Variants in RIN3 observed in about 807,000 individuals in gnomAD.
The protein encoded by RIN3 is Ras and Rab interactor 3.
Under a neutral mutation model 76.3 loss-of-function variants are expected in RIN3, and 54 were observed. The observed-to-expected ratio is 0.71, with a 90% CI of 0.57 to 0.89. The LOEUF is 0.89. Ranked by LOEUF, RIN3 falls within the 40% of genes least tolerant of loss-of-function variation. The pLI is 0.00. For synonymous variants in RIN3, 576 were observed against 564.0 expected (o/e 1.02, Z -0.30); for missense variants, 1,256 against 1,322.1 (o/e 0.95, Z 0.78).
chr14:92,600,424 C>T (rs551095668), intron 3 of RIN3, among the ~76,000 whole-genome samples: 2 of 152,278 alleles, frequency 1.3e-5, no homozygotes, highest in Non-Finnish European at 2.9e-5. Context: ...GCACCCTGAC[C>T]CCAGCAGGCT....
At chr14:92,599,960 G>T (rs996889945) in intron 3 of RIN3, among the ~76,000 whole-genome samples, 1 of 152,080 alleles carries the variant, frequency 6.6e-6, no homozygotes, top group Non-Finnish European at 1.5e-5. Context: ...AGGAACATCC[G>T]CATGCCAACT....
At chr14:92,550,420 T>C (rs140096616) in intron 1 of RIN3, among the ~76,000 whole-genome samples, 5 of 152,306 alleles carry the variant, frequency 3.3e-5, no homozygotes, top group South Asian at 4.1e-4. Flanking sequence ...TATTTATTTA[T>C]TCATTCATTT....
chr14:92,580,538 A>G (rs868019701), intron 3 of RIN3, among the ~76,000 whole-genome samples: 2 of 152,244 alleles, frequency 1.3e-5, no homozygotes, highest in African/African-American at 2.4e-5. Flanking sequence ...GAGGTGTGCT[A>G]TGAGGAATGT....
intron 7 of RIN3, among the ~76,000 whole-genome samples, chr14:92,674,472 A>G (rs61644152): frequency 0.12 from 18,190 of 152,114 alleles, 1,183 homozygotes; most frequent in East Asian, 0.24. Flanking sequence ...GTGTGGTGGT[A>G]TGTGCCTGTA....
At chr14:92,683,456 G>A (rs1018805698) in intron 8 of RIN3, among the ~76,000 whole-genome samples, 4 of 152,196 alleles carry the variant, frequency 2.6e-5, no homozygotes, top group African/African-American at 9.7e-5. Flanking sequence ...AACAAGCTCA[G>A]GAGAATGAAT....
intron 2 of RIN3, among the ~76,000 whole-genome samples, chr14:92,572,157 T>C (rs761436013): frequency 6.6e-6 from 1 of 152,252 alleles, no homozygotes; most frequent in Non-Finnish European, 1.5e-5. Context: ...CAGGGTCTTG[T>C]GTCCGTCCCT....
chr14:92,623,718 C>T lies in RIN3; in HGVS notation c.440+8239C>T, dbSNP rs929682148. Among the ~76,000 whole-genome samples the T allele has an allele frequency of 6.6e-6, 1 of 152,220 alleles. No individual in the cohort carries two copies. The highest frequency in any genetic ancestry group is 2.4e-5 in the African/African-American group (1 of 41,450). The stretch of plus-strand genomic sequence containing the variant: ...GGCAGAGTGTCTAGCAGGTGACCAC[C>T]ACAATACCACCATACATCAGCTCGG... On this transcript the variant is annotated intron_variant, in intron 4 of 9. Transcript: ENST00000216487. The surrounding 1 kb of genome is among the most constrained non-coding windows in gnomAD (Gnocchi z 4.9).
intron 6 of RIN3, among the ~76,000 whole-genome samples, chr14:92,658,036 T>A (rs1236987057): frequency 6.6e-6 from 1 of 152,162 alleles, no homozygotes; most frequent in Non-Finnish European, 1.5e-5. Context: ...CCAAAACAAC[T>A]TCCTAAGAAT....
Position 92,685,167 on chromosome 14 carries a change from G to A in RIN3, c.2631+17G>A, listed in dbSNP as rs1458928345. ...TCCGTACAGGTGAGGCCTGAGAGCGGGAGGGGCCCGGTGGGGCCATGTCCC... is the reference window on the plus strand; with the variant it reads ...TCCGTACAGGTGAGGCCTGAGAGCGAGAGGGGCCCGGTGGGGCCATGTCCC... On this transcript the variant is annotated intron_variant, in intron 9 of 9. Coordinates refer to ENST00000216487, the MANE Select transcript of RIN3 (RefSeq NM_024832.5). The surrounding 1 kb of genome is among the most constrained non-coding windows in gnomAD (Gnocchi z 4.7). The A allele has an allele frequency of 3.2e-6, 5 of 1,582,196 alleles. No homozygotes were observed. The African/African-American group carries it at 6.7e-5, about 21-fold the overall frequency.
intron 2 of RIN3, among the ~76,000 whole-genome samples, chr14:92,562,791 C>T (rs769934291): frequency 4.6e-5 from 7 of 152,100 alleles, no homozygotes; most frequent in South Asian, 2.1e-4. Flanking sequence ...TCCAAGAAGC[C>T]GTCGTTCCTT....
chr14:92,597,949 G>A (rs1383961062), intron 3 of RIN3, among the ~76,000 whole-genome samples: 1 of 152,136 alleles, frequency 6.6e-6, no homozygotes, highest in Non-Finnish European at 1.5e-5. Flanking sequence ...TCATCCCTGG[G>A]ATATAAACAG....
chr14:92,525,784 C>T (rs1009238196), intron 1 of RIN3, among the ~76,000 whole-genome samples: 2 of 152,174 alleles, frequency 1.3e-5, no homozygotes. Context: ...ACTGCACCAG[C>T]CAGAATGTGA....
At chr14:92,611,104 C>T (rs892635516) in intron 3 of RIN3, among the ~76,000 whole-genome samples, 7 of 152,146 alleles carry the variant, frequency 4.6e-5, no homozygotes, top group South Asian at 2.1e-4. Flanking sequence ...GAAATCAAGG[C>T]GTGGACAGGC....
In RIN3 at chr14:92,688,454, A is replaced by G. The variant is rs1189222029; in HGVS notation, c.*202A>G. ...CTGAGGGCAAGTCCTAATAGCCCTG[A>G]GACACCGAGACGGCATGTTCTTCAT... On this transcript the variant is annotated 3_prime_UTR_variant, in exon 10 of 10. Transcript: ENST00000216487. 3.5e-6 allele frequency: 2 copies of G among 577,350 alleles called. No homozygotes were observed. The highest frequency in any genetic ancestry group is 3.8e-5 in the African/African-American group (2 of 51,954). The allele number at this position is 577,350 out of a possible 1,614,324, so 35.8% of individuals were successfully genotyped here.
In RIN3 at chr14:92,656,996, G is replaced by C. The variant is rs1009244017; in HGVS notation, c.2027-2165G>C. Among the ~76,000 whole-genome samples, 2 of 152,162 alleles carry C rather than the reference G, an allele frequency of 1.3e-5. No homozygotes were observed. Among genetic ancestry groups the C allele is most frequent in the African/African-American group, 2.4e-5 (1 of 41,412 alleles). The stretch of plus-strand genomic sequence containing the variant: ...TTCCATGAGCTGAGTCTCTGCCTCT[G>C]CCTCTCCCTTCCAAGCTCTGCCCAT... On this transcript the variant is annotated intron_variant, in intron 6 of 9. Coordinates refer to ENST00000216487, the MANE Select transcript of RIN3 (RefSeq NM_024832.5). The surrounding 1 kb of genome is among the most constrained non-coding windows in gnomAD (Gnocchi z 5.2).
At chr14:92,660,612 C>T (rs1053268259) in intron 7 of RIN3, among the ~76,000 whole-genome samples, 27 of 152,216 alleles carry the variant, frequency 1.8e-4, no homozygotes, top group African/African-American at 5.8e-4. Context: ...CAAGGCCCAT[C>T]GAGGCCTGGC....
At chr14:92,619,657 G>A (rs1324835298) in intron 4 of RIN3, among the ~76,000 whole-genome samples, 1 of 152,010 alleles carries the variant, frequency 6.6e-6, no homozygotes, top group Non-Finnish European at 1.5e-5. Context: ...TCAATCTCCT[G>A]ACCTCGTGAT....
chr14:92,624,949 G>A (rs1262828708), intron 4 of RIN3, among the ~76,000 whole-genome samples: 3 of 148,326 alleles, frequency 2.0e-5, no homozygotes, highest in Admixed American at 6.6e-5. Context: ...CTCCCAGGAC[G>A]GTTCAAGTTT....
intron 1 of RIN3, among the ~76,000 whole-genome samples, chr14:92,535,024 C>T (rs1362896223): frequency 6.6e-6 from 1 of 152,202 alleles, no homozygotes; most frequent in Non-Finnish European, 1.5e-5. Context: ...TCCGGTTCTT[C>T]CTCATCCTCC....
Sources: gnomAD v4.1 joint callset for allele counts (sites outside exome capture counted in the v4.1 genomes callset) on GRCh38, gnomAD v4.1.1 for gene constraint, Gnocchi (gnomAD v3.1) non-coding constraint, MANE v1.5 for transcripts, NCBI Gene and HGNC (gene_info 2026-07-23, HGNC 2026-07-21) for gene names.